Variants in SUPT3H observed in about 807,000 individuals in gnomAD.
SUPT3H encodes the protein SPT3 homolog, SAGA and STAGA complex component.
In SUPT3H, 44 loss-of-function variants were observed where a neutral mutation model predicts 44.3. That is an observed-to-expected ratio of 0.99 (90% confidence interval 0.78 to 1.28). The LOEUF (loss-of-function observed/expected upper bound fraction) is 1.28. Ranked by LOEUF, SUPT3H falls within the 50% of genes most tolerant of loss-of-function variation. SUPT3H has a pLI of 0.00. For missense variants in SUPT3H, 380 were observed against 387.1 expected, an observed-to-expected ratio of 0.98 and a Z score of 0.15; for synonymous variants, 124 against 125.6, an observed-to-expected ratio of 0.99 and a Z score of 0.09.
At chr6:45,038,496 G>A (rs1172474257) in intron 3 of SUPT3H, among the ~76,000 whole-genome samples, 1 of 152,066 alleles carries the variant, frequency 6.6e-6, no homozygotes, top group Admixed American at 6.6e-5. Context: ...ATAATAATCA[G>A]AAATGAATGA....
intron 2 of SUPT3H, among the ~76,000 whole-genome samples, chr6:45,197,306 A>G (rs1408676409): frequency 1.4e-4 from 21 of 151,628 alleles, no homozygotes; most frequent in Admixed American, 1.4e-3. Flanking sequence ...TTTAAAATAA[A>G]TGACTCAAAA....
intron 2 of SUPT3H, among the ~76,000 whole-genome samples, chr6:45,142,714 C>G (rs1386973882): frequency 1.1e-5 from 1 of 89,822 alleles, no homozygotes; most frequent in Non-Finnish European, 2.0e-5. Flanking sequence ...CCAGCCTGGG[C>G]AAGAAGAGCT....
chr6:45,174,881 A>G (rs1811434481), intron 2 of SUPT3H, among the ~76,000 whole-genome samples: 1 of 151,984 alleles, frequency 6.6e-6, no homozygotes, highest in African/African-American at 2.4e-5. Flanking sequence ...TGATTCATCT[A>G]AAATGTCACT....
intron 2 of SUPT3H, among the ~76,000 whole-genome samples, chr6:45,226,061 A>G (rs1766880966): frequency 6.6e-6 from 1 of 152,220 alleles, no homozygotes; most frequent in African/African-American, 2.4e-5. Context: ...AATAAGTCAT[A>G]CATTATATTA....
chr6:44,939,906 T>TG (rs1772125792), intron 9 of SUPT3H, among the ~76,000 whole-genome samples: 1 of 152,076 alleles, frequency 6.6e-6, no homozygotes, highest in Non-Finnish European at 1.5e-5. Flanking sequence ...TAATATCTCT[T>TG]GTTCAATTCT....
intron 3 of SUPT3H, among the ~76,000 whole-genome samples, chr6:45,060,034 G>T (rs986721989): frequency 4.0e-5 from 6 of 151,838 alleles, no homozygotes; most frequent in Admixed American, 3.9e-4. Context: ...AGTAATTTAT[G>T]AATTCAATGC....
At chr6:45,240,434 T>C (rs1396459109) in intron 2 of SUPT3H, among the ~76,000 whole-genome samples, 1 of 152,206 alleles carries the variant, frequency 6.6e-6, no homozygotes, top group Non-Finnish European at 1.5e-5. Flanking sequence ...ATGTAATCAC[T>C]CTATGACACA....
intron 2 of SUPT3H, among the ~76,000 whole-genome samples, chr6:45,109,612 G>A (rs1053997265): frequency 5.3e-5 from 8 of 152,060 alleles, no homozygotes; most frequent in Non-Finnish European, 1.2e-4. Context: ...AATTTTCAGG[G>A]TTATTGGTAC....
At chr6:45,092,361 A>C (rs1016810808) in intron 3 of SUPT3H, among the ~76,000 whole-genome samples, 1 of 152,208 alleles carries the variant, frequency 6.6e-6, no homozygotes, top group African/African-American at 2.4e-5. Flanking sequence ...TTTACTGATA[A>C]ACATCATTTT....
rs1442240176 is a variant in SUPT3H at position 44,827,585 on chromosome 6, A to AAAAT, written c.*2227_*2230dup. Among the ~76,000 whole-genome samples, 3 of 152,104 alleles carry AAAAT rather than the reference A, an allele frequency of 2.0e-5. No individual in the cohort carries two copies. Among genetic ancestry groups the AAAAT allele is most frequent in the African/African-American group, 7.2e-5 (3 of 41,438 alleles). ...CTGCTCTAACATTATGATTATTGAG[A>AAAAT]AAATAATTTACTGAAGTTTTCTTAA... On this transcript the variant is annotated 3_prime_UTR_variant, in exon 11 of 11. Transcript: ENST00000371459.
At chr6:44,987,894 G>C (rs1191310947) in intron 6 of SUPT3H, among the ~76,000 whole-genome samples, 1 of 152,126 alleles carries the variant, frequency 6.6e-6, no homozygotes, top group African/African-American at 2.4e-5. Flanking sequence ...AGTCTGAAGA[G>C]AGGAAAAGGT....
chr6:45,230,662 CTATATATA>C (rs66480751), intron 2 of SUPT3H, among the ~76,000 whole-genome samples: 1,391 of 68,752 alleles, frequency 0.02, 208 homozygotes, highest in South Asian at 0.066. Flanking sequence ...TTCATTCAGT[CTATATATA>C]TATATATATA....
chr6:45,251,896 G>A (rs1011538806), intron 2 of SUPT3H, among the ~76,000 whole-genome samples: 1 of 151,912 alleles, frequency 6.6e-6, no homozygotes, highest in Admixed American at 6.6e-5. Context: ...AAAGAACAGG[G>A]TCCCAAGATA....
intron 10 of SUPT3H, among the ~76,000 whole-genome samples, chr6:44,895,606 C>A (rs533109970): frequency 3.9e-5 from 6 of 152,212 alleles, no homozygotes; most frequent in African/African-American, 1.4e-4. Context: ...TTTCTAGTAT[C>A]ACCTGTCTTT....
At chr6:45,068,801 C>G (rs1793878329) in intron 3 of SUPT3H, among the ~76,000 whole-genome samples, 1 of 152,004 alleles carries the variant, frequency 6.6e-6, no homozygotes, top group Non-Finnish European at 1.5e-5. Flanking sequence ...CCAATTGTAA[C>G]ATGTTGCCAC....
chr6:44,919,473 T>TC (rs972551698), intron 10 of SUPT3H, among the ~76,000 whole-genome samples: 1 of 151,618 alleles, frequency 6.6e-6, no homozygotes, highest in Non-Finnish European at 1.5e-5. Context: ...TTTTTTTTTT[T>TC]TTAAAGTTTA....
chr6:45,184,693 C>T (rs544420733), intron 2 of SUPT3H, among the ~76,000 whole-genome samples: 1 of 150,792 alleles, frequency 6.6e-6, no homozygotes, highest in East Asian at 2.0e-4. Context: ...GCAATGAGTC[C>T]CCTGCATCTC....
At chr6:44,917,027 G>A (rs574943244) in intron 10 of SUPT3H, among the ~76,000 whole-genome samples, 9 of 151,900 alleles carry the variant, frequency 5.9e-5, no homozygotes, top group African/African-American at 1.4e-4. Context: ...GACAGTATAC[G>A]TCTGTAGTCC....
chr6:45,129,948 A>G lies in SUPT3H; in HGVS notation c.102-23942T>C, dbSNP rs60470777. Among the ~76,000 whole-genome samples the G allele has an allele frequency of 5.3e-3, 806 of 152,300 alleles. 7 individuals are homozygous for G. The highest frequency in any genetic ancestry group is 0.018 in the African/African-American group (752 of 41,558). On this transcript the variant is annotated intron_variant, in intron 2 of 10. Coordinates refer to ENST00000371459, the MANE Select transcript of SUPT3H (RefSeq NM_003599.4). ...TGTTAAGACTGGCGTAATGATTGGT[A>G]AAAGCCACTTGCGAACTGGCACAAG...
Sources: gnomAD v4.1 joint callset for allele counts (sites outside exome capture counted in the v4.1 genomes callset) on GRCh38, gnomAD v4.1.1 for gene constraint, MANE v1.5 for transcripts, NCBI Gene and HGNC (gene_info 2026-07-23, HGNC 2026-07-21) for gene names.